CLASP1: variants seen among roughly 807,000 people sequenced by gnomAD.
The protein encoded by CLASP1 is cytoplasmic linker associated protein 1, also known as CLIP-associating protein 1.
A neutral mutation model predicts 192.3 loss-of-function variants in CLASP1; 38 were observed. The ratio of observed to expected loss-of-function variants is 0.20; its 90% CI spans 0.15 to 0.26. The LOEUF is 0.26. Ranked by LOEUF, CLASP1 falls within the 10% of genes least tolerant of loss-of-function variation. The probability of loss-of-function intolerance (pLI) is 1.00; values close to 1 mark genes in which losing one functional copy is unlikely to be tolerated. For synonymous variants in CLASP1, 691 were observed against 712.8 expected (o/e 0.97, Z 0.49); for missense variants, 1,433 against 1,932.5 (o/e 0.74, Z 4.85).
chr2:121,572,950 C>T (rs1395901477), intron 2 of CLASP1, among the ~76,000 whole-genome samples: 1 of 152,118 alleles, frequency 6.6e-6, no homozygotes, highest in Admixed American at 6.6e-5. Flanking sequence ...CTCTGCAGTG[C>T]TCATGAAAAC....
chr2:121,402,766 A>G, intron 26 of CLASP1: 1 of 438,652 alleles, frequency 2.3e-6, no homozygotes, highest in Admixed American at 2.5e-5. Flanking sequence ...GTTAAATCTT[A>G]CTGCTTTTAC....
At chr2:121,543,983 GAA>G (rs2095282070) in intron 2 of CLASP1, among the ~76,000 whole-genome samples, 1 of 152,140 alleles carries the variant, frequency 6.6e-6, no homozygotes, top group African/African-American at 2.4e-5. Context: ...TGCAGATAAG[GAA>G]ACTAAGCCCA....
chr2:121,518,784 A>G (rs2094389044), intron 6 of CLASP1, among the ~76,000 whole-genome samples: 1 of 152,170 alleles, frequency 6.6e-6, no homozygotes, highest in Non-Finnish European at 1.5e-5. Context: ...ACACTGAGGC[A>G]CAAGAATCGC....
At chr2:121,549,538 A>G (rs1373259852) in intron 2 of CLASP1, among the ~76,000 whole-genome samples, 3 of 152,118 alleles carry the variant, frequency 2.0e-5, no homozygotes, top group Admixed American at 2.0e-4. Context: ...TCATCAAGGC[A>G]GAAAATTTAT....
intron 1 of CLASP1, among the ~76,000 whole-genome samples, chr2:121,619,955 C>T (rs2067055357): frequency 6.6e-6 from 1 of 152,078 alleles, no homozygotes; most frequent in Non-Finnish European, 1.5e-5. Flanking sequence ...GGCTTGGTGG[C>T]TTAGATCTGT....
chr2:121,648,389 G>C (rs529754079), intron 1 of CLASP1, among the ~76,000 whole-genome samples: 1 of 152,222 alleles, frequency 6.6e-6, no homozygotes, highest in South Asian at 2.1e-4. Flanking sequence ...TGTTTAAAGA[G>C]CTCACAGGTT....
At chr2:121,397,927 T>C (rs2075555787) in intron 29 of CLASP1, among the ~76,000 whole-genome samples, 1 of 152,210 alleles carries the variant, frequency 6.6e-6, no homozygotes, top group Non-Finnish European at 1.5e-5. Context: ...CTTAGAATGT[T>C]AATATTAAAC....
chr2:121,371,789 A>G (rs959776222), intron 34 of CLASP1, among the ~76,000 whole-genome samples: 1 of 152,148 alleles, frequency 6.6e-6, no homozygotes, highest in Non-Finnish European at 1.5e-5. Flanking sequence ...GAAGGATCGC[A>G]TCCAATCATC....
Position 121,418,732 on chromosome 2 carries a change from A to T in CLASP1, c.2213-3T>A. The T allele has an allele frequency of 6.2e-7, 1 of 1,603,954 alleles. No individual in the cohort carries two copies. Among genetic ancestry groups the T allele is most frequent in the Non-Finnish European group, 8.5e-7 (1 of 1,171,250 alleles). On this transcript the variant is annotated splice_region_variant and splice_polypyrimidine_tract_variant and intron_variant, in intron 22 of 39. Coordinates refer to ENST00000263710, the Ensembl canonical transcript of CLASP1. ...TCGAGGGATACGGCTGCTCCGTGCT[A>T]GCGTGCAGCATGAAGGGTTTCAGAG...
At chr2:121,414,375 A>T (rs2078210575) in intron 23 of CLASP1, among the ~76,000 whole-genome samples, 172 bp from the exon 24 acceptor site, 1 of 152,144 alleles carries the variant, frequency 6.6e-6, no homozygotes, top group African/African-American at 2.4e-5. Flanking sequence ...CCCAAACTTC[A>T]CAGTGGCCAG....
At chr2:121,499,117 T>C (rs920687111) in intron 8 of CLASP1, among the ~76,000 whole-genome samples, 1 of 152,180 alleles carries the variant, frequency 6.6e-6, no homozygotes, top group Non-Finnish European at 1.5e-5. Context: ...ATGAAATCTT[T>C]TACATCAATG....
chr2:121,457,605 AT>A, intron 14 of CLASP1, 81 bp downstream of exon 14: 1 of 1,074,172 alleles, frequency 9.3e-7, no homozygotes, highest in East Asian at 2.4e-5. Flanking sequence ...TATACATGAA[AT>A]TTTATCCATG....
chr2:121,403,032 A>G (rs905638353), intron 26 of CLASP1, among the ~76,000 whole-genome samples: 2 of 152,160 alleles, frequency 1.3e-5, no homozygotes, highest in South Asian at 2.1e-4. Flanking sequence ...GGGTTTTGCC[A>G]TGTTGGCCAG....
rs144731619 is a variant in CLASP1, at chr2:121,518,585, C to T, written c.547-2823G>A. 7.9e-5 allele frequency among the ~76,000 whole-genome samples: 12 copies of T among 152,114 alleles called. No homozygotes were observed. In the East Asian group the frequency reaches 2.3e-3, roughly 29 times the overall value. On this transcript the variant is annotated intron_variant, in intron 6 of 39. Coordinates refer to ENST00000263710, the Ensembl canonical transcript of CLASP1. Reference sequence around the variant, plus strand: ...AGGGAATATTTTTACATTGAAAATGCGGTCGGGCGCGGTGGCTCATGCCTG... The same window carrying T: ...AGGGAATATTTTTACATTGAAAATGTGGTCGGGCGCGGTGGCTCATGCCTG...
chr2:121,511,443 C>A (rs2094132534), intron 7 of CLASP1, among the ~76,000 whole-genome samples: 1 of 152,006 alleles, frequency 6.6e-6, no homozygotes, highest in African/African-American at 2.4e-5. Flanking sequence ...ACAAAATTAG[C>A]CAGGCACGGT....
intron 2 of CLASP1, chr2:121,530,647 A>C (rs935440959): frequency 3.8e-6 from 2 of 527,282 alleles, no homozygotes; most frequent in Non-Finnish European, 6.8e-6. Flanking sequence ...CGGCGAGAAA[A>C]GCGTATGCAA....
rs116176232 is a variant in CLASP1 at position 121,367,637 on chromosome 2, G to A, written c.3837C>T (p.Thr1279=). 12,522 of 1,614,030 alleles carry A rather than the reference G, an allele frequency of 7.8e-3. 80 individuals carry two copies. Among genetic ancestry groups the A allele is most frequent in the Middle Eastern group, 0.017 (105 of 6,062 alleles). Reference sequence around the variant, plus strand: ...CATCGAACACAGCCTCTTTCAGGGCGGTCTTGTCGTAGGTGTTGATGGCAT... The same window carrying A: ...CATCGAACACAGCCTCTTTCAGGGCAGTCTTGTCGTAGGTGTTGATGGCAT... Residue 1279 remains threonine, a synonymous_variant, in exon 35 of 40, where the codon ACC becomes ACT. Coordinates refer to ENST00000263710, the Ensembl canonical transcript of CLASP1.
At chr2:121,550,841 G>A (rs2057973766) in intron 2 of CLASP1, among the ~76,000 whole-genome samples, 1 of 151,866 alleles carries the variant, frequency 6.6e-6, no homozygotes, top group African/African-American at 2.4e-5. Flanking sequence ...AACACTTGAG[G>A]AGGAGGGACT....
intron 8 of CLASP1, among the ~76,000 whole-genome samples, chr2:121,483,981 A>T (rs141362552): frequency 2.0e-4 from 30 of 152,338 alleles, no homozygotes; most frequent in Admixed American, 9.1e-4. Flanking sequence ...TTATCCAGAC[A>T]TTCTGATGCA....
Sources: gnomAD v4.1 joint callset for allele counts (sites outside exome capture counted in the v4.1 genomes callset) on GRCh38, gnomAD v4.1.1 for gene constraint, MANE v1.5 for transcripts, NCBI Gene and HGNC (gene_info 2026-07-23, HGNC 2026-07-21) for gene names.